The following AKAP12 variants were observed in gnomAD, a reference collection of about 807,000 sequenced individuals.
AKAP12 encodes the protein A-kinase anchor protein 12.
A neutral mutation model predicts 79.9 loss-of-function variants in AKAP12; 32 were observed. That is an observed-to-expected ratio of 0.40 (90% CI 0.30 to 0.54). The LOEUF (loss-of-function observed/expected upper bound fraction) is 0.54, where lower values mean the gene tolerates loss of function less well. AKAP12 is among the 20% of genes least tolerant of loss of function. The pLI, the probability that AKAP12 is intolerant of heterozygous loss-of-function variation, is 0.48. For synonymous variants in AKAP12, 808 were observed against 857.0 expected, an observed-to-expected ratio of 0.94 and a Z score of 1.00; for missense variants, 2,074 against 2,177.0, an observed-to-expected ratio of 0.95 and a Z score of 0.94.
In AKAP12 at chr6:151,240,402, T is replaced by A. The variant is rs1796946906; in HGVS notation, c.-161T>A. 1.5e-6 allele frequency: 1 copy of A among 657,010 alleles called. No homozygotes were observed. The highest frequency in any genetic ancestry group is 2.2e-6 in the Non-Finnish European group (1 of 455,958). The allele number at this position is 657,010 out of a possible 1,614,324, so 40.7% of individuals were successfully genotyped here. ...TTTTAAGGAGTTTGCCGCGAGCGCG[T>A]CTCCTTCATTCGCAGGCTGGGCGCG... On this transcript the variant is annotated 5_prime_UTR_variant, in exon 2 of 5. Coordinates refer to ENST00000402676, the MANE Select transcript of AKAP12 (RefSeq NM_005100.4).
At chr6:151,286,884 C>T (rs1214088608) in intron 2 of AKAP12, among the ~76,000 whole-genome samples, 1 of 152,160 alleles carries the variant, frequency 6.6e-6, no homozygotes, top group Non-Finnish European at 1.5e-5. Flanking sequence ...GTTGACTTGA[C>T]CAAGGTCCCA....
chr6:151,354,364 T>TTTTTG (rs58313720), intron 4 of AKAP12, among the ~76,000 whole-genome samples: 5 of 135,234 alleles, frequency 3.7e-5, no homozygotes, highest in African/African-American at 1.7e-4. Flanking sequence ...ATCTTTGTGG[T>TTTTTG]TTTTGTTTTG....
At chr6:151,310,129 G>A (rs1419298348) in intron 3 of AKAP12, among the ~76,000 whole-genome samples, 1 of 152,088 alleles carries the variant, frequency 6.6e-6, no homozygotes, top group Non-Finnish European at 1.5e-5. Flanking sequence ...TTGGGGGGCC[G>A]AGGCGAGTGG....
chr6:151,288,210 T>C (rs1776544452), intron 2 of AKAP12, among the ~76,000 whole-genome samples: 1 of 126,204 alleles, frequency 7.9e-6, no homozygotes, highest in South Asian at 2.4e-4. Flanking sequence ...ACTTAAAGTA[T>C]TTAAAAAAAA....
Position 151,350,188 on chromosome 6 carries a change from T to A in AKAP12, c.1797T>A (p.Asp599Glu). The change falls in exon 4 of 5, where the codon GAT becomes GAA. Residue 599 changes from aspartate (D) to glutamate (E), a missense_variant. Transcript: ENST00000402676. This position sits in a 1 kb window ranked among gnomAD's most constrained non-coding sequence, Gnocchi z 4.8. ...DGEAEEGATS[D>E]GEKKREGVTP... is the part of the protein sequence containing the mutation. ...AAGCTGAAGAAGGAGCTACTTCCGA[T>A]GGAGAGAAAAAAAGAGAAGGTGTCA... 2 of 1,612,796 alleles carry A rather than the reference T, an allele frequency of 1.2e-6. No homozygotes were observed. Among genetic ancestry groups the A allele is most frequent in the East Asian group, 2.2e-5 (1 of 44,768 alleles).
At chr6:151,289,746 A>C (rs180913124) in intron 2 of AKAP12, among the ~76,000 whole-genome samples, 338 of 152,350 alleles carry the variant, frequency 2.2e-3, no homozygotes, top group Non-Finnish European at 3.5e-3. Context: ...TAAGAAAAAG[A>C]AGCACAGGGA....
At chr6:151,333,797 G>A (rs1292619037) in intron 3 of AKAP12, among the ~76,000 whole-genome samples, 2 of 151,914 alleles carry the variant, frequency 1.3e-5, no homozygotes, top group Non-Finnish European at 2.9e-5. Context: ...GGGAATGATG[G>A]TGGTCTTGTT....
chr6:151,264,220 G>A (rs781540129), intron 2 of AKAP12, among the ~76,000 whole-genome samples: 2 of 152,132 alleles, frequency 1.3e-5, no homozygotes, highest in Non-Finnish European at 2.9e-5. Context: ...GGAAGGAGAC[G>A]TGAATGAACT....
intron 2 of AKAP12, among the ~76,000 whole-genome samples, chr6:151,291,173 A>C (rs552250787): frequency 6.6e-6 from 1 of 152,228 alleles, no homozygotes; most frequent in South Asian, 2.1e-4. Flanking sequence ...TGCCCATTGG[A>C]ATCACCTGGG....
chr6:151,257,511 G>A (rs547190976), intron 2 of AKAP12, among the ~76,000 whole-genome samples: 1 of 152,174 alleles, frequency 6.6e-6, no homozygotes, highest in Admixed American at 6.6e-5. Flanking sequence ...TGGCCAGACT[G>A]GTCTTGAACT....
At chr6:151,338,296 T>A (rs1777865945) in intron 3 of AKAP12, among the ~76,000 whole-genome samples, 1 of 152,170 alleles carries the variant, frequency 6.6e-6, no homozygotes, top group Admixed American at 6.5e-5. Flanking sequence ...GTCAGAGATT[T>A]TGTGTTGTCG....
At position 151,353,366 on chromosome 6, in the gene AKAP12, G is replaced by A. The variant is rs768709490; in HGVS notation, c.4975G>A (p.Val1659Ile). ...TGTAAATGATCAGCAGCTGGAAGAG[G>A]TCGTCCTCCCATCTGAGGAAGAGGG... ...STVNDQQLEEVVLPSEEEGGG... is the reference protein window; with the variant it reads ...STVNDQQLEEIVLPSEEEGGG... Residue 1659 changes from valine to isoleucine, a missense_variant, in exon 4 of 5, where the codon GTC (valine) becomes ATC (isoleucine). By Grantham distance (29) the Val-to-Ile change is conservative (BLOSUM62 3). Transcript: ENST00000402676. 4.3e-6 allele frequency: 7 copies of A among 1,614,204 alleles called. No individual in the cohort carries two copies. Among genetic ancestry groups the A allele is most frequent in the Non-Finnish European group, 5.9e-6 (7 of 1,180,030 alleles).
intron 2 of AKAP12, chr6:151,298,852 C>T (rs929568144): frequency 6.6e-6 from 1 of 151,570 alleles, no homozygotes; most frequent in Non-Finnish European, 1.5e-5. Flanking sequence ...AAAAGCCAGT[C>T]AAGTTTAGCA....
chr6:151,268,968 T>G (rs77191750), intron 2 of AKAP12, among the ~76,000 whole-genome samples: 1 of 138,956 alleles, frequency 7.2e-6, no homozygotes, highest in African/African-American at 2.8e-5. Flanking sequence ...TTTTTTTTTT[T>G]TTTTTTTTTT....
chr6:151,293,979 CTT>C (rs58851343), intron 2 of AKAP12, among the ~76,000 whole-genome samples: 15 of 145,880 alleles, frequency 1.0e-4, no homozygotes, highest in East Asian at 2.0e-4. Flanking sequence ...AGTTCTTCTT[CTT>C]TTTTTTTTTT....
At chr6:151,291,335 G>C (rs2499896) in intron 2 of AKAP12, among the ~76,000 whole-genome samples, 1 of 152,070 alleles carries the variant, frequency 6.6e-6, no homozygotes. Flanking sequence ...TCTCACAGCT[G>C]ATGAGTGGCT....
chr6:151,327,569 A>C (rs184337143), intron 3 of AKAP12, among the ~76,000 whole-genome samples: 3 of 152,228 alleles, frequency 2.0e-5, no homozygotes, highest in Non-Finnish European at 4.4e-5. Context: ...TATATTCACT[A>C]TTCAATTAGT....
At chr6:151,266,348 T>G (rs961618071) in intron 2 of AKAP12, among the ~76,000 whole-genome samples, 3 of 152,216 alleles carry the variant, frequency 2.0e-5, no homozygotes, top group African/African-American at 7.2e-5. Context: ...TAAATATTTT[T>G]CAAACTTAGA....
chr6:151,310,543 C>T (rs546393098), intron 3 of AKAP12, among the ~76,000 whole-genome samples: 10 of 152,178 alleles, frequency 6.6e-5, no homozygotes, highest in South Asian at 4.1e-4. Flanking sequence ...GATCAGCCAA[C>T]GTGGCGAAAC....
Sources: allele counts gnomAD v4.1 joint callset (sites outside exome capture counted in the v4.1 genomes callset), GRCh38; gene constraint gnomAD v4.1.1; non-coding constraint Gnocchi (gnomAD v3.1); transcripts MANE v1.5; gene names NCBI Gene and HGNC (gene_info 2026-07-23, HGNC 2026-07-21).